ZMYND11: variants seen among roughly 807,000 people sequenced by gnomAD.
The protein encoded by ZMYND11 is zinc finger MYND domain-containing protein 11.
Under a neutral mutation model 84.9 loss-of-function variants are expected in ZMYND11, and 9 were observed. The ratio of observed to expected loss-of-function variants is 0.11; its 90% CI spans 0.06 to 0.18. The LOEUF is 0.18. Among genes scored for constraint, ZMYND11 ranks in the 10% least tolerant of loss-of-function variants. The pLI is 1.00. For synonymous variants in ZMYND11, 250 were observed against 244.1 expected (o/e 1.02, Z -0.23); for missense variants, 409 against 761.0 (o/e 0.54, Z 5.44).
rs567147292 is a variant in ZMYND11, at chr10:208,717, A to G, written c.117-1172A>G. On this transcript the variant is annotated intron_variant, in intron 2 of 14. Coordinates refer to ENST00000381604, the MANE Select transcript of ZMYND11 (RefSeq NM_001370100.5). The stretch of plus-strand genomic sequence containing the variant: ...GGACTAAGACAGAAAGAGAGGTGGG[A>G]ATTATGATCAGAGAACAGAACGTTA... Among the ~76,000 whole-genome samples, 3 of 152,240 alleles carry G rather than the reference A, an allele frequency of 2.0e-5. No individual in the cohort carries two copies. The South Asian group carries it at 6.2e-4, about 32-fold the overall frequency.
intron 1 of ZMYND11, among the ~76,000 whole-genome samples, chr10:177,675 C>A (rs1186969579): frequency 6.6e-6 from 1 of 151,960 alleles, no homozygotes; most frequent in African/African-American, 2.4e-5. Context: ...TACAGCTTTG[C>A]TGTATTTTTT....
At chr10:233,379 A>C (rs930756609) in intron 4 of ZMYND11, among the ~76,000 whole-genome samples, 1 of 152,192 alleles carries the variant, frequency 6.6e-6, no homozygotes, top group African/African-American at 2.4e-5. Context: ...CTCTCCCCAG[A>C]CAGCCATTCC....
At chr10:150,699 A>C (rs4421680) in intron 1 of ZMYND11, among the ~76,000 whole-genome samples, 56,219 of 151,986 alleles carry the variant, frequency 0.37, 10,819 homozygotes, top group East Asian at 0.61. Context: ...ACGTCTGCAC[A>C]CTTAAATGTC....
At chr10:220,913 G>C (rs1323910180) in intron 3 of ZMYND11, among the ~76,000 whole-genome samples, 2 of 152,192 alleles carry the variant, frequency 1.3e-5, no homozygotes, top group East Asian at 1.9e-4. Context: ...CAAAATGAAA[G>C]ATAACATTAG....
intron 2 of ZMYND11, among the ~76,000 whole-genome samples, chr10:196,543 C>A (rs1941789122): frequency 6.6e-6 from 1 of 151,966 alleles, no homozygotes; most frequent in African/African-American, 2.4e-5. Flanking sequence ...AAAATCCATT[C>A]AACAAAATTA....
intron 2 of ZMYND11, among the ~76,000 whole-genome samples, chr10:191,217 T>G (rs1940297574): frequency 6.6e-6 from 1 of 152,212 alleles, no homozygotes. Context: ...TTGATAAAGC[T>G]TAGGAAGGTA....
At chr10:183,654 G>A (rs2130776139) in intron 2 of ZMYND11, among the ~76,000 whole-genome samples, 1 of 152,220 alleles carries the variant, frequency 6.6e-6, no homozygotes, top group South Asian at 2.1e-4. Context: ...TATGTATTTA[G>A]CAGTTTTAAA....
At chr10:153,837 A>T (rs192210769) in intron 1 of ZMYND11, among the ~76,000 whole-genome samples, 2 of 152,156 alleles carry the variant, frequency 1.3e-5, no homozygotes, top group East Asian at 3.9e-4. Flanking sequence ...CACATAACCC[A>T]TTCCCTGTGT....
intron 4 of ZMYND11, 95 bp downstream of exon 4, chr10:221,451 C>T (rs776607572): frequency 7.7e-6 from 10 of 1,297,176 alleles, no homozygotes; most frequent in East Asian, 2.4e-5. Flanking sequence ...GCCAGGTGAA[C>T]GGATAAAGGA....
chr10:215,205 C>A (rs2496276), intron 3 of ZMYND11, among the ~76,000 whole-genome samples: 1 of 151,964 alleles, frequency 6.6e-6, no homozygotes, highest in Non-Finnish European at 1.5e-5. Flanking sequence ...AAAAAGTGAT[C>A]TTTGCTGTAA....
intron 2 of ZMYND11, among the ~76,000 whole-genome samples, chr10:191,525 G>C (rs1050503071): frequency 2.0e-5 from 3 of 152,204 alleles, no homozygotes; most frequent in Admixed American, 6.5e-5. Context: ...GAAGAACCAA[G>C]TGCTTCAGGA....
chr10:161,560 A>G (rs1213585053), intron 1 of ZMYND11, among the ~76,000 whole-genome samples: 1 of 152,178 alleles, frequency 6.6e-6, no homozygotes, highest in Non-Finnish European at 1.5e-5. Flanking sequence ...CCAATATGAG[A>G]CTATTTTGTC....
chr10:181,694 T>A (rs1478133477), intron 2 of ZMYND11, among the ~76,000 whole-genome samples: 1 of 152,140 alleles, frequency 6.6e-6, no homozygotes, highest in Non-Finnish European at 1.5e-5. Flanking sequence ...TGAGGATATA[T>A]GTGGCTCCAA....
chr10:220,169 C>A (rs1047053056), intron 3 of ZMYND11, among the ~76,000 whole-genome samples: 2 of 151,980 alleles, frequency 1.3e-5, no homozygotes, highest in Non-Finnish European at 2.9e-5. Flanking sequence ...CCTTGGAAAC[C>A]GTATAGATAA....
intron 9 of ZMYND11, among the ~76,000 whole-genome samples, chr10:241,573 C>G (rs376890794): frequency 3.9e-5 from 6 of 152,360 alleles, no homozygotes; most frequent in African/African-American, 1.4e-4. Flanking sequence ...ATAATTTCCC[C>G]AAAATAATAC....
At chr10:185,298 T>C (rs1937920204) in intron 2 of ZMYND11, among the ~76,000 whole-genome samples, 1 of 152,070 alleles carries the variant, frequency 6.6e-6, no homozygotes, top group Admixed American at 6.6e-5. Context: ...CTCAGAGATT[T>C]GTTCTCACCT....
intron 1 of ZMYND11, among the ~76,000 whole-genome samples, chr10:140,896 A>G (rs781962824): frequency 3.9e-5 from 6 of 152,202 alleles, no homozygotes; most frequent in African/African-American, 7.2e-5. Flanking sequence ...TAAATGTCTA[A>G]AAGTTTGCCC....
Position 138,110 on chromosome 10 carries a change from G to GTT in ZMYND11, c.-20+2567_-20+2568dup, listed in dbSNP as rs1198726870. On this transcript the variant is annotated intron_variant, in intron 1 of 14. Coordinates refer to ENST00000381604, the MANE Select transcript of ZMYND11 (RefSeq NM_001370100.5). ...TCATACTGAATACCATTCTGTTGGC[G>GTT]TTTTTTTTTTTTTTTTTGAGATGGA... Among the ~76,000 whole-genome samples the GTT allele has an allele frequency of 1.2e-3, 159 of 133,016 alleles. 3 individuals carry two copies. The highest frequency in any genetic ancestry group is 3.6e-3 in the African/African-American group (127 of 35,754). The allele number at this position is 133,016 out of a possible 152,430, so 87.3% of individuals were successfully genotyped here.
chr10:136,100 C>G (rs1049861030), intron 1 of ZMYND11, among the ~76,000 whole-genome samples: 49 of 152,146 alleles, frequency 3.2e-4, no homozygotes, highest in African/African-American at 1.2e-3. Context: ...CGTCGGTCCC[C>G]CGGGGCTGTG....
Sources: gnomAD v4.1 joint callset for allele counts (sites outside exome capture counted in the v4.1 genomes callset) on GRCh38, gnomAD v4.1.1 for gene constraint, MANE v1.5 for transcripts, NCBI Gene and HGNC (gene_info 2026-07-23, HGNC 2026-07-21) for gene names.